Variants in DMD observed in about 807,000 individuals in gnomAD.
DMD encodes the protein dystrophin.
Under a neutral mutation model 330.1 loss-of-function variants are expected in DMD, and 63 were observed. That is an observed-to-expected ratio of 0.19 (90% CI 0.16 to 0.24). The LOEUF (loss-of-function observed/expected upper bound fraction) is 0.24, where lower values mean the gene tolerates loss of function less well. Among genes scored for constraint, DMD ranks in the 10% least tolerant of loss-of-function variants. The pLI is 1.00. For missense variants in DMD, 3,344 were observed against 2,684.1 expected, an observed-to-expected ratio of 1.25 and a Z score of -5.43; for synonymous variants, 1,223 against 959.8, an observed-to-expected ratio of 1.27 and a Z score of -5.07.
Position 32,463,584 on chromosome X carries a change from C to T in DMD, c.3287G>A (p.Ser1096Asn). Residue 1096 changes from serine to asparagine, a missense_variant, in exon 25 of 79, where the codon AGT becomes AAT. Transcript: ENST00000357033. Reference sequence around the variant, plus strand: ...ACTGGGCTGAATTGTCTGAATATCACTGACTAAAAGCTAAGAAAATAAATC... The same window carrying T: ...ACTGGGCTGAATTGTCTGAATATCATTGACTAAAAGCTAAGAAAATAAATC... ...KQLKQCRLLV[S>N]DIQTIQPSLN... 1 of 1,154,401 alleles carries T rather than the reference C, an allele frequency of 8.7e-7. No homozygotes were observed. Among genetic ancestry groups the T allele is most frequent in the African/African-American group, 1.8e-5 (1 of 56,320 alleles).
chrX:32,831,012 G>GTCCC (rs1249777265), intron 4 of DMD, among the ~76,000 whole-genome samples: 1 of 110,756 alleles, frequency 9.0e-6, no homozygotes, highest in Non-Finnish European at 1.9e-5. Context: ...ACTTAAGGGG[G>GTCCC]TCCCTCTTCT....
At chrX:31,388,036 G>A (rs1178964288) in intron 60 of DMD, among the ~76,000 whole-genome samples, 7 of 104,376 alleles carry the variant, frequency 6.7e-5, no homozygotes, top group South Asian at 4.5e-4. Flanking sequence ...ATCTTGCTCA[G>A]TCACCCAGGC....
At chrX:33,094,402 G>A (rs936544076) in intron 1 of DMD, among the ~76,000 whole-genome samples, 1 of 112,243 alleles carries the variant, frequency 8.9e-6, no homozygotes, top group Non-Finnish European at 1.9e-5. Flanking sequence ...AACATAGAAA[G>A]AGGGATCTAA....
intron 2 of DMD, among the ~76,000 whole-genome samples, chrX:32,879,221 G>GC (rs1225910022): frequency 9.0e-6 from 1 of 111,048 alleles, no homozygotes; most frequent in East Asian, 2.8e-4. Flanking sequence ...GAAAAGAAGG[G>GC]CATTCAGGTA....
intron 1 of DMD, among the ~76,000 whole-genome samples, chrX:33,249,837 C>T: frequency 9.1e-6 from 1 of 109,805 alleles, no homozygotes; most frequent in Non-Finnish European, 1.9e-5. Context: ...ATATGTTTGG[C>T]TTTATGGAGA....
chrX:31,962,041 G>A (rs900234786), intron 45 of DMD, among the ~76,000 whole-genome samples: 6 of 111,003 alleles, frequency 5.4e-5, no homozygotes, highest in Non-Finnish European at 9.4e-5. Flanking sequence ...AAGGACTCCG[G>A]AGGCAGACTG....
chrX:32,210,321 T>A (rs1479175032), intron 44 of DMD, among the ~76,000 whole-genome samples: 1 of 111,970 alleles, frequency 8.9e-6, no homozygotes, highest in Non-Finnish European at 1.9e-5. Context: ...CAAAATCTTA[T>A]GAAATTTTAT....
chrX:31,371,535 G>A (rs1390309115), intron 60 of DMD, among the ~76,000 whole-genome samples: 1 of 111,115 alleles, frequency 9.0e-6, no homozygotes, highest in African/African-American at 3.3e-5. Context: ...CTAGATATGT[G>A]AAAATGAGTA....
At chrX:32,609,566 A>T (rs1297476628) in intron 12 of DMD, among the ~76,000 whole-genome samples, 1 of 111,223 alleles carries the variant, frequency 9.0e-6, no homozygotes, top group African/African-American at 3.3e-5. Context: ...ATGAAATGAA[A>T]TGTCAGATCC....
At chrX:32,973,268 C>T (rs767324874) in intron 2 of DMD, among the ~76,000 whole-genome samples, 27 of 112,133 alleles carry the variant, frequency 2.4e-4, no homozygotes, top group Middle Eastern at 9.3e-3. Context: ...ACTTTTAAGA[C>T]GTAAAGCTTC....
Position 32,581,999 on chromosome X carries a change from G to A in DMD, c.1603-8153C>T, listed in dbSNP as rs750687612. Among the ~76,000 whole-genome samples, 7 of 111,532 alleles carry A rather than the reference G, an allele frequency of 6.3e-5. No homozygotes were observed. The South Asian group carries it at 2.2e-3, about 36-fold the overall frequency. On this transcript the variant is annotated intron_variant, in intron 13 of 78. Transcript: ENST00000357033. ...AAATATATGATAAAATTTGGCATCC[G>A]GTAGTGATAAAACCTCTTAGAATAT...
Position 32,577,750 on chromosome X carries a change from A to C in DMD, c.1603-3904T>G, listed in dbSNP as rs181703423. Among the ~76,000 whole-genome samples, 11 of 112,300 alleles carry C rather than the reference A, an allele frequency of 9.8e-5. No homozygotes were observed. The Admixed American group carries it at 1.0e-3, about 11-fold the overall frequency. ...TTTAGTAACATATTCTATTGCTTAA[A>C]CCTATCTTACTCTTAGAAAATACTC... On this transcript the variant is annotated intron_variant, in intron 13 of 78. Coordinates refer to ENST00000357033, the MANE Select transcript of DMD (RefSeq NM_004006.3).
intron 63 of DMD, among the ~76,000 whole-genome samples, chrX:31,253,088 A>T (rs1432462635): frequency 8.9e-6 from 1 of 112,287 alleles, no homozygotes; most frequent in Non-Finnish European, 1.9e-5. Flanking sequence ...GGCTGACAAC[A>T]TTCATACAAC....
intron 55 of DMD, among the ~76,000 whole-genome samples, chrX:31,598,833 T>A (rs990639715): frequency 8.9e-6 from 1 of 112,069 alleles, no homozygotes; most frequent in African/African-American, 3.2e-5. Context: ...AGGATTGAAC[T>A]GTCAATAAAG....
At chrX:32,351,499 T>G (rs1215928115) in intron 37 of DMD, among the ~76,000 whole-genome samples, 1 of 109,354 alleles carries the variant, frequency 9.1e-6, no homozygotes, top group East Asian at 2.9e-4. Flanking sequence ...GTTTTTTTTT[T>G]TTAATCAGGA....
chrX:32,641,169 C>A (rs1383830216), intron 11 of DMD, among the ~76,000 whole-genome samples: 1 of 110,757 alleles, frequency 9.0e-6, no homozygotes, highest in Non-Finnish European at 1.9e-5. Flanking sequence ...TCTAAAGTAG[C>A]CTCCCCTCAA....
intron 44 of DMD, among the ~76,000 whole-genome samples, chrX:32,211,822 T>C (rs1180508732): frequency 8.9e-6 from 1 of 112,189 alleles, no homozygotes; most frequent in Non-Finnish European, 1.9e-5. Flanking sequence ...ACAGATGCCA[T>C]TTCCATTAAT....
At position 31,510,180 on chromosome X, in the gene DMD, T is replaced by A. The variant is rs987977453; in HGVS notation, c.8218-2727A>T. Among the ~76,000 whole-genome samples the A allele has an allele frequency of 9.8e-5, 11 of 111,881 alleles. No individual in the cohort carries two copies. In the South Asian group the frequency reaches 1.5e-3, roughly 15 times the overall value. ...CCCTGGCTCTGTGAAGTACATCACA[T>A]TTTCTGTTTTGCAGATGAGAGCACT... On this transcript the variant is annotated intron_variant, in intron 55 of 78. Transcript: ENST00000357033.
At chrX:31,190,585 C>A (rs1404393391) in intron 67 of DMD, among the ~76,000 whole-genome samples, 1 of 4,291 alleles carries the variant, frequency 2.3e-4, no homozygotes, top group East Asian at 4.6e-3. Flanking sequence ...GTTGTCACAA[C>A]TGGGCGGGGG....
Sources: gnomAD v4.1 joint callset for allele counts (sites outside exome capture counted in the v4.1 genomes callset) on GRCh38, gnomAD v4.1.1 for gene constraint, MANE v1.5 for transcripts, NCBI Gene and HGNC (gene_info 2026-07-23, HGNC 2026-07-21) for gene names.